The following DNAH5 variants were observed in gnomAD, a reference collection of about 807,000 sequenced individuals.
DNAH5 encodes dynein axonemal heavy chain 5, also known as axonemal beta dynein heavy chain 5.
In DNAH5, 372 loss-of-function variants were observed where a neutral mutation model predicts 518.2. The ratio of observed to expected loss-of-function variants is 0.72; its 90% CI spans 0.66 to 0.78. The LOEUF is 0.78. Among genes scored for constraint, DNAH5 ranks in the 30% least tolerant of loss-of-function variants. The pLI is 0.00. For synonymous variants in DNAH5, 2,039 were observed against 2,025.9 expected, an observed-to-expected ratio of 1.01 and a Z score of -0.17; for missense variants, 5,523 against 5,687.0, an observed-to-expected ratio of 0.97 and a Z score of 0.93.
intron 21 of DNAH5, among the ~76,000 whole-genome samples, chr5:13,878,096 A>C (rs1055168442): frequency 6.6e-6 from 1 of 152,286 alleles, no homozygotes; most frequent in African/African-American, 2.4e-5. Flanking sequence ...ATATGAGCAC[A>C]CAAGCACTTC....
intron 1 of DNAH5, among the ~76,000 whole-genome samples, chr5:13,963,394 G>A (rs1341594192): frequency 2.0e-5 from 3 of 151,868 alleles, no homozygotes; most frequent in African/African-American, 7.3e-5. Flanking sequence ...CCTGGCCAAC[G>A]TGGCAAAACC....
chr5:13,718,999 G>T lies in DNAH5; in HGVS notation c.12382C>A (p.Leu4128Ile), dbSNP rs1374831606. 6.2e-7 allele frequency: 1 copy of T among 1,613,778 alleles called. No homozygotes were observed. The highest frequency in any genetic ancestry group is 8.5e-7 in the Non-Finnish European group (1 of 1,179,950). The change falls in exon 72 of 79, where the codon CTC (leucine) becomes ATC (isoleucine). Residue 4128 changes from leucine to isoleucine, a missense_variant. Leu to Ile is a conservative substitution (Grantham distance 5, BLOSUM62 2). This residue lies in a region of DNAH5 where 5,121 missense variants were observed against 5,223.3 expected (regional missense o/e 0.98). Transcript: ENST00000265104. ...ETELVHDAFR[L>I]WMTTEAHKQF... ...TTATGAGCCTCGGTGGTCATCCAGA[G>T]GCGGAACGCATCATGTACAAGCTCA...
At chr5:13,937,370 C>T (rs574588069) in intron 1 of DNAH5, among the ~76,000 whole-genome samples, 2 of 151,018 alleles carry the variant, frequency 1.3e-5, no homozygotes, top group African/African-American at 4.9e-5. Flanking sequence ...ATTTTAGTGC[C>T]AGTGTGGACT....
At chr5:13,810,584 CA>C (rs61113976) in intron 44 of DNAH5, 27,343 of 99,664 alleles carry the variant, frequency 0.27, 3,098 homozygotes, top group East Asian at 0.54. Context: ...ACTAAAAATA[CA>C]AAAAAAAAAA....
At position 13,751,061 on chromosome 5, in the gene DNAH5, A is replaced by T. The variant is rs772849938; in HGVS notation, c.11211+17T>A. 3.3e-5 allele frequency: 53 copies of T among 1,613,216 alleles called. No individual in the cohort carries two copies. The highest frequency in any genetic ancestry group is 4.2e-5 in the Non-Finnish European group (50 of 1,179,458). Reference sequence around the variant, plus strand: ...ATTAAAGCAATGCAGAATGGGAGGGAGCCACACTTCACTCACCTGCTTCTC... The same window carrying T: ...ATTAAAGCAATGCAGAATGGGAGGGTGCCACACTTCACTCACCTGCTTCTC... On this transcript the variant is annotated intron_variant, in intron 65 of 78. Transcript: ENST00000265104.
chr5:13,862,257 T>C (rs1228464119), intron 29 of DNAH5, among the ~76,000 whole-genome samples: 1 of 152,018 alleles, frequency 6.6e-6, no homozygotes, highest in African/African-American at 2.4e-5. Context: ...ACCCCACAAA[T>C]AGAGGATAAT....
At chr5:13,989,425 T>G (rs533435355) in intron 1 of DNAH5, among the ~76,000 whole-genome samples, 1 of 151,860 alleles carries the variant, frequency 6.6e-6, no homozygotes, top group South Asian at 2.1e-4. Flanking sequence ...GATCCAATTT[T>G]GTAAAAAATA....
At chr5:13,778,551 A>AAAGC (rs1754499613) in intron 53 of DNAH5, among the ~76,000 whole-genome samples, 1 of 57,568 alleles carries the variant, frequency 1.7e-5, no homozygotes, top group Admixed American at 1.5e-4. Context: ...AGAAAGAAAG[A>AAAGC]AAGAAAGAAA....
At chr5:13,842,433 A>AATAGAGAGAGAGAGAGAGAGAGAGAGAG (rs1765338252) in intron 32 of DNAH5, among the ~76,000 whole-genome samples, 1 of 61,864 alleles carries the variant, frequency 1.6e-5, no homozygotes, top group Non-Finnish European at 3.4e-5. Flanking sequence ...AAAAGAAAGA[A>AATAGAGAGAGAGAGAGAGAGAGAGAGAG]AGAAAGAAAG....
intron 1 of DNAH5, among the ~76,000 whole-genome samples, chr5:13,936,975 G>T (rs191225859): frequency 6.6e-6 from 1 of 152,030 alleles, no homozygotes; most frequent in African/African-American, 2.4e-5. Flanking sequence ...TGCATTGCCA[G>T]CTTGGTTCTG....
intron 49 of DNAH5, 29 bp downstream of exon 49, chr5:13,793,486 C>G (rs369663807): frequency 6.5e-5 from 104 of 1,590,314 alleles, no homozygotes; most frequent in Non-Finnish European, 9.0e-5. Context: ...CTTCCTCACC[C>G]TCCCACCCCA....
At chr5:13,853,700 C>A (rs967394759) in intron 30 of DNAH5, among the ~76,000 whole-genome samples, 1 of 151,818 alleles carries the variant, frequency 6.6e-6, no homozygotes, top group African/African-American at 2.4e-5. Flanking sequence ...AACTGAAAAA[C>A]ACAGCACAAG....
At chr5:13,802,985 T>C (rs1023515053) in intron 47 of DNAH5, among the ~76,000 whole-genome samples, 9 of 105,258 alleles carry the variant, frequency 8.6e-5, no homozygotes, top group African/African-American at 3.0e-4. Context: ...ATATAATATA[T>C]ATGAAAGCAA....
intron 68 of DNAH5, among the ~76,000 whole-genome samples, chr5:13,730,019 T>C (rs1481537116): frequency 6.6e-6 from 1 of 152,246 alleles, no homozygotes; most frequent in East Asian, 1.9e-4. Context: ...ATACACACTT[T>C]ATCTAGAAAT....
At chr5:13,755,386 G>A (rs1750860558) in intron 61 of DNAH5, among the ~76,000 whole-genome samples, 1 of 151,990 alleles carries the variant, frequency 6.6e-6, no homozygotes, top group African/African-American at 2.4e-5. Context: ...GACCAAGAAA[G>A]CAGATCACAA....
rs182352191 is a variant in DNAH5 at position 13,960,785 on chromosome 5, C to T, written c.13-29541G>A. ...ACCCTCTCCCCGTGGCTACTCCACA[C>T]GCACCATGCCTCACTTACTCATCAC... is the stretch of plus-strand genomic sequence containing the variant. On this transcript the variant is annotated intron_variant, in intron 1 of 78. Coordinates refer to the DNAH5 transcript ENST00000681290. Among the ~76,000 whole-genome samples the T allele has an allele frequency of 4.0e-3, 605 of 152,360 alleles. 4 individuals carry two copies. The highest frequency in any genetic ancestry group is 0.014 in the African/African-American group (567 of 41,586).
At chr5:13,771,112 C>T in intron 55 of DNAH5, 132 bp from the exon 56 acceptor site, 1 of 769,964 alleles carries the variant, frequency 1.3e-6, no homozygotes, top group Non-Finnish European at 2.1e-6. Flanking sequence ...CTAGGTAGAT[C>T]TGTGTCAGCA....
At chr5:13,801,042 T>C (rs17205894) in intron 47 of DNAH5, among the ~76,000 whole-genome samples, 8,218 of 152,310 alleles carry the variant, frequency 0.054, 311 homozygotes, top group Non-Finnish European at 0.08. Context: ...GAGTCATCTT[T>C]GACTTTTCTC....
At position 13,807,657 on chromosome 5, in the gene DNAH5, A is replaced by C. The variant is rs2126996872; in HGVS notation, c.7821T>G (p.Tyr2607Ter). The C allele has an allele frequency of 1.2e-6, 2 of 1,611,672 alleles. No individual in the cohort carries two copies. The highest frequency in any genetic ancestry group is 2.2e-5 in the South Asian group (2 of 90,662). ...TCTTGATCATGTGACATTCAGGATC[A>C]TATTTTGACATAAATCCTTTAATTA... is the stretch of plus-strand genomic sequence containing the variant. ...TVIIKGFMSK[Y>*]DPECHMIKSL... The change falls in exon 47 of 79, where the codon TAT (tyrosine) becomes TAG (stop). Residue 2607 changes from tyrosine to a stop codon, truncating the protein, a stop_gained. Transcript: ENST00000265104. LOFTEE classifies it high-confidence loss of function.
Sources: gnomAD v4.1 joint callset for allele counts (sites outside exome capture counted in the v4.1 genomes callset) on GRCh38, gnomAD v4.1.1 for gene constraint, gnomAD v4.1.1 regional missense constraint, MANE v1.5 for transcripts, NCBI Gene and HGNC (gene_info 2026-07-23, HGNC 2026-07-21) for gene names.